NAV3: variants seen among roughly 807,000 people sequenced by gnomAD.
NAV3 encodes neuron navigator 3, also known as pore membrane and/or filament interacting like protein 1.
A neutral mutation model predicts 244.7 loss-of-function variants in NAV3; 87 were observed. The observed-to-expected ratio is 0.36, with a 90% CI of 0.30 to 0.42. The LOEUF is 0.42. NAV3 is among the 20% of genes least tolerant of loss of function. The pLI is 1.00. For missense variants in NAV3, 2,663 were observed against 2,893.3 expected, an observed-to-expected ratio of 0.92 and a Z score of 1.83; for synonymous variants, 1,126 against 1,042.2, an observed-to-expected ratio of 1.08 and a Z score of -1.55.
intron 6 of NAV3, among the ~76,000 whole-genome samples, chr12:77,996,425 C>T (rs1395573841): frequency 6.6e-6 from 1 of 152,178 alleles, no homozygotes; most frequent in Non-Finnish European, 1.5e-5. Context: ...CTTTGTATGA[C>T]ACAATGTCCA....
chr12:77,880,357 G>T (rs1882470230), intron 1 of NAV3, among the ~76,000 whole-genome samples: 1 of 152,256 alleles, frequency 6.6e-6, no homozygotes, highest in African/African-American at 2.4e-5. Context: ...GGACAATTTT[G>T]TTAGCATACA....
chr12:78,051,742 A>G (rs191386468), intron 11 of NAV3, among the ~76,000 whole-genome samples: 1 of 152,284 alleles, frequency 6.6e-6, no homozygotes, highest in Admixed American at 6.5e-5. Context: ...GTATATTAAC[A>G]ATTTGGGATA....
intron 2 of NAV3, among the ~76,000 whole-genome samples, chr12:77,791,624 A>C (rs1871178421): frequency 1.3e-5 from 2 of 152,112 alleles, no homozygotes; most frequent in Admixed American, 1.3e-4. Context: ...AAGGGTAATC[A>C]CTATCCCATT....
At chr12:77,660,413 A>G (rs1873380992) in intron 2 of NAV3, among the ~76,000 whole-genome samples, 2 of 152,174 alleles carry the variant, frequency 1.3e-5, no homozygotes, top group Non-Finnish European at 2.9e-5. Context: ...AAATCGGGAG[A>G]TTCACTTTTA....
intron 2 of NAV3, among the ~76,000 whole-genome samples, chr12:77,599,731 T>C (rs1031334189): frequency 2.6e-5 from 4 of 151,938 alleles, no homozygotes; most frequent in African/African-American, 9.7e-5. Flanking sequence ...AATTAAGTCA[T>C]CTTATTTTTT....
chr12:77,622,597 A>G (rs1871428408), intron 2 of NAV3, among the ~76,000 whole-genome samples: 1 of 149,032 alleles, frequency 6.7e-6, no homozygotes, highest in African/African-American at 2.5e-5. Context: ...GTAAGTATCC[A>G]AAAGACAAAA....
intron 1 of NAV3, among the ~76,000 whole-genome samples, chr12:77,914,527 T>C (rs1886935917): frequency 6.6e-6 from 1 of 152,090 alleles, no homozygotes; most frequent in African/African-American, 2.4e-5. Context: ...ACATTTTGTT[T>C]TGGAGATTCC....
In NAV3 at chr12:77,685,357, A is replaced by G. The variant is rs1055938502; in HGVS notation, c.72+113091A>G. On this transcript the variant is annotated intron_variant, in intron 2 of 8. Transcript: ENST00000550042. ...CGCCATCTGCTGATCGACATTTCCA[A>G]TGGCATCATATCATGGTGAAGAACT... is the stretch of plus-strand genomic sequence containing the variant. 3.2e-4 allele frequency among the ~76,000 whole-genome samples: 49 copies of G among 152,158 alleles called. 1 individual carries two copies. Among genetic ancestry groups the G allele is most frequent in the African/African-American group, 1.1e-3 (46 of 41,514 alleles).
intron 2 of NAV3, among the ~76,000 whole-genome samples, chr12:77,791,295 A>G (rs1310148317): frequency 6.6e-6 from 1 of 150,880 alleles, no homozygotes; most frequent in Non-Finnish European, 1.5e-5. Flanking sequence ...TGGAGGTTGC[A>G]GTGAGCCAAG....
intron 2 of NAV3, among the ~76,000 whole-genome samples, chr12:77,695,333 A>G (rs1404710740): frequency 6.6e-6 from 1 of 152,150 alleles, no homozygotes; most frequent in Non-Finnish European, 1.5e-5. Flanking sequence ...TGTATATGGC[A>G]AGAGACAGTG....
chr12:77,973,645 A>T (rs1009148063), intron 5 of NAV3, among the ~76,000 whole-genome samples: 1 of 152,134 alleles, frequency 6.6e-6, no homozygotes, highest in African/African-American at 2.4e-5. Context: ...CTTCCAGGGT[A>T]TCTTTTCCAG....
intron 1 of NAV3, among the ~76,000 whole-genome samples, chr12:77,932,966 C>A (rs979948459): frequency 6.6e-6 from 1 of 152,162 alleles, no homozygotes; most frequent in Non-Finnish European, 1.5e-5. Context: ...AATATGCTTT[C>A]CCCTTCCTTC....
intron 23 of NAV3, among the ~76,000 whole-genome samples, chr12:78,160,285 T>C (rs1335871743): frequency 6.6e-6 from 1 of 152,100 alleles, no homozygotes; most frequent in African/African-American, 2.4e-5. Flanking sequence ...TTTCCTGTGA[T>C]GACCAGTTAG....
At chr12:77,675,207 A>G (rs1047303768) in intron 2 of NAV3, among the ~76,000 whole-genome samples, 19 of 152,176 alleles carry the variant, frequency 1.2e-4, no homozygotes, top group African/African-American at 4.1e-4. Flanking sequence ...GTGAATATTC[A>G]GTTGTAGCAG....
intron 18 of NAV3, among the ~76,000 whole-genome samples, chr12:78,135,618 G>A (rs1432869344): frequency 1.4e-5 from 2 of 143,286 alleles, no homozygotes; most frequent in Non-Finnish European, 3.1e-5. Flanking sequence ...ATTTAAACAA[G>A]AGTAAATTCA....
chr12:78,197,081 A>G (rs1463369386), intron 34 of NAV3, among the ~76,000 whole-genome samples, 166 bp from the exon 35 acceptor site: 1 of 151,882 alleles, frequency 6.6e-6, no homozygotes, highest in Non-Finnish European at 1.5e-5. Context: ...TGTCAGCAAT[A>G]TATGGTTTTT....
At chr12:77,802,693 G>A (rs1190199446) in intron 2 of NAV3, among the ~76,000 whole-genome samples, 1 of 151,814 alleles carries the variant, frequency 6.6e-6, no homozygotes, top group African/African-American at 2.4e-5. Context: ...TTGAGATGGA[G>A]TCTCTGTTGC....
intron 2 of NAV3, among the ~76,000 whole-genome samples, chr12:77,692,991 C>T (rs1875106884): frequency 6.6e-6 from 1 of 151,970 alleles, no homozygotes. Flanking sequence ...GTTAACCAAG[C>T]AAATGTGGTG....
chr12:77,671,706 A>G (rs1198852684), intron 2 of NAV3, among the ~76,000 whole-genome samples: 1 of 152,172 alleles, frequency 6.6e-6, no homozygotes, highest in African/African-American at 2.4e-5. Context: ...TTGGCAAGCC[A>G]CATGTAGAGA....
Sources: gnomAD v4.1 joint callset for allele counts (sites outside exome capture counted in the v4.1 genomes callset) on GRCh38, gnomAD v4.1.1 for gene constraint, MANE v1.5 for transcripts, NCBI Gene and HGNC (gene_info 2026-07-23, HGNC 2026-07-21) for gene names.